The following TENM3 variants were observed in gnomAD, a reference collection of about 807,000 sequenced individuals.
The protein encoded by TENM3 is teneurin transmembrane protein 3.
A neutral mutation model predicts 255.1 loss-of-function variants in TENM3; 63 were observed. The observed-to-expected ratio is 0.25, with a 90% CI of 0.20 to 0.30. The LOEUF (loss-of-function observed/expected upper bound fraction) is 0.30. TENM3 is among the 10% of genes least tolerant of loss of function. The pLI is 1.00. For missense variants in TENM3, 2,929 were observed against 3,461.1 expected (o/e 0.85, Z 3.86); for synonymous variants, 1,306 against 1,322.3 (o/e 0.99, Z 0.27).
chr4:181,998,928 C>A, the TENM3 span, among the ~76,000 whole-genome samples: 1 of 152,268 alleles, frequency 6.6e-6, no homozygotes, highest in South Asian at 2.1e-4. Flanking sequence ...CCTCTCTGAA[C>A]TCCGGTTTTT....
At chr4:182,386,671 G>C (rs1041893901) in intron 3 of TENM3, among the ~76,000 whole-genome samples, 10 of 152,226 alleles carry the variant, frequency 6.6e-5, no homozygotes, top group African/African-American at 1.9e-4. Context: ...GGCCGGCCGG[G>C]GCAGTGAGGG....
intron 4 of TENM3, among the ~76,000 whole-genome samples, chr4:182,618,231 A>G (rs894659197): frequency 2.0e-5 from 3 of 152,142 alleles, no homozygotes; most frequent in Admixed American, 6.5e-5. Flanking sequence ...GAATAATGCT[A>G]TAACACATTT....
rs549313764 is a variant in TENM3 at position 182,419,761 on chromosome 4, A to G, written c.511+72832A>G. Among the ~76,000 whole-genome samples the G allele has an allele frequency of 3.1e-4, 47 of 152,032 alleles. No homozygotes were observed. The East Asian group carries it at 7.4e-3, about 24-fold the overall frequency. On this transcript the variant is annotated intron_variant, in intron 3 of 27. Transcript: ENST00000511685. ...TGGAAACCATCATTCTGAGCAAACTATCGCAAGGACAGAAAACCAAACACC... is the reference window on the plus strand; with the variant it reads ...TGGAAACCATCATTCTGAGCAAACTGTCGCAAGGACAGAAAACCAAACACC...
chr4:181,551,904 T>C, the TENM3 span, among the ~76,000 whole-genome samples: 1 of 148,054 alleles, frequency 6.8e-6, no homozygotes, highest in Non-Finnish European at 1.5e-5. Flanking sequence ...AAATTTTGCC[T>C]GTATTCTTTC....
chr4:182,616,346 G>A (rs557247074), intron 4 of TENM3, among the ~76,000 whole-genome samples: 1 of 149,118 alleles, frequency 6.7e-6, no homozygotes, highest in East Asian at 2.0e-4. Flanking sequence ...CATAGGAAGG[G>A]GAATATCACA....
At chr4:181,762,969 T>C in the TENM3 span, among the ~76,000 whole-genome samples, 1 of 152,158 alleles carries the variant, frequency 6.6e-6, no homozygotes, top group African/African-American at 2.4e-5. Context: ...TATTCTACTT[T>C]CAAGGGAAAA....
chr4:182,722,279 G>C (rs989901375), intron 13 of TENM3, among the ~76,000 whole-genome samples: 3 of 152,180 alleles, frequency 2.0e-5, no homozygotes, highest in African/African-American at 7.2e-5. Context: ...CATAGTGTCT[G>C]AGGGTAGGGA....
At chr4:182,464,830 T>G (rs1000042058) in intron 3 of TENM3, among the ~76,000 whole-genome samples, 1 of 152,196 alleles carries the variant, frequency 6.6e-6, no homozygotes, top group Non-Finnish European at 1.5e-5. Flanking sequence ...CCTTATAAAC[T>G]GTTGTTTTGT....
the TENM3 span, among the ~76,000 whole-genome samples, chr4:182,007,417 T>G: frequency 6.6e-6 from 1 of 152,234 alleles, no homozygotes; most frequent in Non-Finnish European, 1.5e-5. Flanking sequence ...CTGTATTGGG[T>G]GCATATATAT....
chr4:181,619,978 A>G, the TENM3 span, among the ~76,000 whole-genome samples: 1 of 152,124 alleles, frequency 6.6e-6, no homozygotes, highest in South Asian at 2.1e-4. Context: ...GTAACAAACT[A>G]TATTTTTTCT....
intron 24 of TENM3, 84 bp downstream of exon 24, chr4:182,775,237 C>T (rs2038919434): frequency 8.3e-7 from 1 of 1,204,792 alleles, no homozygotes; most frequent in Non-Finnish European, 1.2e-6. Context: ...GTCTCCTGCT[C>T]ACCCCCCTAT....
At chr4:181,474,741 A>AC in the TENM3 span, among the ~76,000 whole-genome samples, 4 of 149,632 alleles carry the variant, frequency 2.7e-5, no homozygotes, top group East Asian at 2.0e-4. Flanking sequence ...TCTCAAAACA[A>AC]AAAAAAAAAA....
At chr4:181,550,255 T>C in the TENM3 span, among the ~76,000 whole-genome samples, 1 of 152,212 alleles carries the variant, frequency 6.6e-6, no homozygotes, top group East Asian at 1.9e-4. Context: ...GGAATCAAAT[T>C]ATTTTCTTTT....
chr4:181,795,371 C>G, the TENM3 span, among the ~76,000 whole-genome samples: 44 of 152,142 alleles, frequency 2.9e-4, no homozygotes, highest in South Asian at 9.2e-3. Flanking sequence ...TCCCCTGTGT[C>G]TCTTCTTATA....
chr4:182,714,378 A>G, intron 13 of TENM3, 145 bp downstream of exon 13: 1 of 659,184 alleles, frequency 1.5e-6, no homozygotes, highest in Non-Finnish European at 2.4e-6. Context: ...AAAATGTATG[A>G]GTGCTGATAG....
rs74597997 is a variant in TENM3, at chr4:182,394,196, T to C, written c.511+47267T>C. On this transcript the variant is annotated intron_variant, in intron 3 of 27. Transcript: ENST00000511685. ...CTGCTCGTGGAACAACCCACTGGTT[T>C]CTTTTGCTGCCTAATGTATGCTTAT... 3.8e-3 allele frequency among the ~76,000 whole-genome samples: 578 copies of C among 152,316 alleles called. 22 individuals are homozygous for C. The East Asian group carries it at 0.074, about 20-fold the overall frequency.
rs1747787924 is a variant in TENM3 at position 182,600,998 on chromosome 4, C to T, written c.586C>T (p.His196Tyr). 6.2e-7 allele frequency: 1 copy of T among 1,609,502 alleles called. No individual in the cohort carries two copies. Among genetic ancestry groups the T allele is most frequent in the Non-Finnish European group, 8.5e-7 (1 of 1,178,992 alleles). Residue 196 changes from histidine to tyrosine, a missense_variant, in exon 4 of 28, where the codon CAT becomes TAT. Around this residue, in one of 6 missense-constraint regions of TENM3, gnomAD observed 283 missense variants for 256.9 expected, o/e 1.10. Coordinates refer to ENST00000511685, the MANE Select transcript of TENM3 (RefSeq NM_001080477.4). ...TTCCCATAAGCAGCACTCTGCACAG[C>T]ATCATCCATCCATCACTTCTCTCAA... ...PPSHKQHSAQ[H>Y]HPSITSLNRN...
chr4:182,063,156 C>A, the TENM3 span, among the ~76,000 whole-genome samples: 2 of 152,324 alleles, frequency 1.3e-5, no homozygotes, highest in Non-Finnish European at 2.9e-5. Flanking sequence ...ATTTTTAGTG[C>A]TGCACTGTAA....
At chr4:182,736,514 T>A (rs1561179913) in intron 16 of TENM3, among the ~76,000 whole-genome samples, 1 of 152,198 alleles carries the variant, frequency 6.6e-6, no homozygotes, top group Non-Finnish European at 1.5e-5. Flanking sequence ...TATGATTAAC[T>A]CAGAATAAAT....
Sources: gnomAD v4.1 joint callset for allele counts (sites outside exome capture counted in the v4.1 genomes callset) on GRCh38, gnomAD v4.1.1 for gene constraint, gnomAD v4.1.1 regional missense constraint, MANE v1.5 for transcripts, NCBI Gene and HGNC (gene_info 2026-07-23, HGNC 2026-07-21) for gene names.